Variants in PCDH7 observed in about 807,000 individuals in gnomAD.
PCDH7 encodes protocadherin 7, also known as protocadherin-7.
A neutral mutation model predicts 58.9 loss-of-function variants in PCDH7; 17 were observed. The ratio of observed to expected loss-of-function variants is 0.29; its 90% CI spans 0.20 to 0.43. The LOEUF is 0.43. Ranked by LOEUF, PCDH7 falls within the 20% of genes least tolerant of loss-of-function variation. PCDH7 has a pLI of 1.00. For missense variants in PCDH7, 1,274 were observed against 1,441.0 expected, an observed-to-expected ratio of 0.88 and a Z score of 1.88; for synonymous variants, 664 against 616.4, an observed-to-expected ratio of 1.08 and a Z score of -1.14.
At chr4:30,926,254 G>T (rs921812907) in intron 2 of PCDH7, among the ~76,000 whole-genome samples, 4 of 151,496 alleles carry the variant, frequency 2.6e-5, no homozygotes, top group Non-Finnish European at 4.4e-5. Context: ...GCACAATCTC[G>T]GCTCACCGCA....
Position 30,722,307 on chromosome 4 carries a change from G to T in PCDH7, c.885G>T (p.Arg295=), listed in dbSNP as rs764990690. Reference sequence around the variant, plus strand: ...CTCGCTCCTCGCAGGCCATCCTACGGGTCCTCATCACCGACGTGAACGACA... The same window carrying T: ...CTCGCTCCTCGCAGGCCATCCTACGTGTCCTCATCACCGACGTGAACGACA... Residue 295 remains arginine (R), a synonymous_variant, in exon 1 of 2, where the codon CGG becomes CGT. Transcript: ENST00000361762. This position sits in a 1 kb window ranked among gnomAD's most constrained non-coding sequence, Gnocchi z 7.6. The T allele has an allele frequency of 8.7e-6, 14 of 1,608,414 alleles. No individual in the cohort carries two copies. The South Asian group carries it at 1.4e-4, about 17-fold the overall frequency.
At chr4:31,030,918 A>G (rs1019938022) in intron 3 of PCDH7, among the ~76,000 whole-genome samples, 1 of 152,190 alleles carries the variant, frequency 6.6e-6, no homozygotes, top group Non-Finnish European at 1.5e-5. Context: ...TTCTGAGCAA[A>G]TAAGAGGTGT....
chr4:30,954,510 A>G (rs1747659441), intron 3 of PCDH7, among the ~76,000 whole-genome samples: 1 of 152,058 alleles, frequency 6.6e-6, no homozygotes, highest in African/African-American at 2.4e-5. Flanking sequence ...GATACCCTTT[A>G]GGTATTAGAT....
At chr4:30,974,386 T>C (rs898565645) in intron 3 of PCDH7, among the ~76,000 whole-genome samples, 1 of 152,048 alleles carries the variant, frequency 6.6e-6, no homozygotes, top group African/African-American at 2.4e-5. Context: ...TGAAAGGTTT[T>C]TTTTTCTCTC....
intron 3 of PCDH7, among the ~76,000 whole-genome samples, chr4:31,003,961 C>G (rs944487482): frequency 9.9e-5 from 15 of 152,082 alleles, no homozygotes; most frequent in Non-Finnish European, 2.1e-4. Context: ...TTGTACAGAC[C>G]TGACATCAGC....
chr4:30,723,699 C>T lies in PCDH7; in HGVS notation c.2277C>T (p.Val759=). ...CTTTACTGCCACCTTCGAGTAATGT[C>T]AGGACAGTAGTAGCTACAGTGTTGG... is the stretch of plus-strand genomic sequence containing the variant. The change falls in exon 1 of 2, where the codon GTC becomes GTT. Residue 759 remains valine (V), a synonymous_variant. Coordinates refer to ENST00000361762, the Ensembl canonical transcript of PCDH7. The surrounding 1 kb of genome is among the most constrained non-coding windows in gnomAD (Gnocchi z 4.6). 1.2e-6 allele frequency: 2 copies of T among 1,614,118 alleles called. No individual in the cohort carries two copies. Among genetic ancestry groups the T allele is most frequent in the Non-Finnish European group, 1.7e-6 (2 of 1,180,020 alleles).
chr4:31,124,625 T>A (rs1216397407), intron 3 of PCDH7, among the ~76,000 whole-genome samples: 1 of 152,198 alleles, frequency 6.6e-6, no homozygotes, highest in Non-Finnish European at 1.5e-5. Flanking sequence ...ATTTATTAGA[T>A]TTATGGATTG....
chr4:30,843,448 C>T (rs1731494271), intron 1 of PCDH7, among the ~76,000 whole-genome samples: 1 of 152,132 alleles, frequency 6.6e-6, no homozygotes, highest in African/African-American at 2.4e-5. Flanking sequence ...CCCACCTTGG[C>T]CTCCCAAAGT....
intron 1 of PCDH7, among the ~76,000 whole-genome samples, chr4:30,898,963 G>T (rs530466818): frequency 6.6e-6 from 1 of 151,822 alleles, no homozygotes; most frequent in Non-Finnish European, 1.5e-5. Flanking sequence ...GGGTCATAAA[G>T]TCAATTTAGT....
At chr4:31,059,523 C>T (rs1757518524) in intron 3 of PCDH7, among the ~76,000 whole-genome samples, 1 of 151,714 alleles carries the variant, frequency 6.6e-6, no homozygotes, top group South Asian at 2.1e-4. Flanking sequence ...AAAGATTAAG[C>T]TCCATGTCAC....
chr4:30,754,609 A>G (rs912708638), intron 1 of PCDH7, among the ~76,000 whole-genome samples: 1 of 152,182 alleles, frequency 6.6e-6, no homozygotes, highest in African/African-American at 2.4e-5. Context: ...AAGGTCACAC[A>G]ATAATACTAT....
intron 3 of PCDH7, among the ~76,000 whole-genome samples, chr4:31,109,368 G>A (rs1301521104): frequency 6.6e-6 from 1 of 152,172 alleles, no homozygotes; most frequent in African/African-American, 2.4e-5. Flanking sequence ...ATTTATTAAA[G>A]TAAGGTTGTT....
intron 3 of PCDH7, among the ~76,000 whole-genome samples, chr4:30,968,387 T>C (rs186033189): frequency 0.25 from 19,609 of 78,734 alleles, 3,465 homozygotes; most frequent in African/African-American, 0.4. Flanking sequence ...TATATATATA[T>C]ATATATATAT....
At chr4:31,039,978 A>G (rs371548462) in intron 3 of PCDH7, among the ~76,000 whole-genome samples, 2 of 152,200 alleles carry the variant, frequency 1.3e-5, no homozygotes, top group Non-Finnish European at 2.9e-5. Context: ...AGATACAAAC[A>G]GGGGGCTTCA....
chr4:30,875,050 G>A (rs1435491884), intron 1 of PCDH7, among the ~76,000 whole-genome samples: 1 of 152,038 alleles, frequency 6.6e-6, no homozygotes, highest in African/African-American at 2.4e-5. Flanking sequence ...TAAGACCTTA[G>A]AGACTGTATT....
chr4:31,114,879 T>C (rs1461512461), intron 3 of PCDH7, among the ~76,000 whole-genome samples: 1 of 152,228 alleles, frequency 6.6e-6, no homozygotes, highest in South Asian at 2.1e-4. Flanking sequence ...CATTCTAATT[T>C]ACAGTCCACA....
intron 3 of PCDH7, among the ~76,000 whole-genome samples, chr4:31,110,306 G>T (rs73114774): frequency 0.012 from 1,868 of 152,294 alleles, 40 homozygotes; most frequent in African/African-American, 0.043. Flanking sequence ...AAGCTGCTTA[G>T]TGGAAAGAGA....
intron 3 of PCDH7, among the ~76,000 whole-genome samples, chr4:31,109,187 A>C (rs58414030): frequency 0.012 from 1,785 of 152,278 alleles, 35 homozygotes; most frequent in African/African-American, 0.034. Flanking sequence ...GCCTAGTTTA[A>C]AAGGTAGGAA....
chr4:31,073,785 T>C (rs1758755346), intron 3 of PCDH7, among the ~76,000 whole-genome samples: 1 of 152,140 alleles, frequency 6.6e-6, no homozygotes, highest in Admixed American at 6.6e-5. Flanking sequence ...AATATGTAAA[T>C]CATAATCCTT....
Sources: gnomAD v4.1 joint callset for allele counts (sites outside exome capture counted in the v4.1 genomes callset) on GRCh38, gnomAD v4.1.1 for gene constraint, Gnocchi (gnomAD v3.1) non-coding constraint, MANE v1.5 for transcripts, NCBI Gene and HGNC (gene_info 2026-07-23, HGNC 2026-07-21) for gene names.